The following NTRK3 variants were observed in gnomAD, a reference collection of about 807,000 sequenced individuals.
The protein encoded by NTRK3 is NT-3 growth factor receptor.
Under a neutral mutation model 91.7 loss-of-function variants are expected in NTRK3, and 24 were observed. The observed-to-expected ratio is 0.26, with a 90% CI of 0.19 to 0.37. The LOEUF (loss-of-function observed/expected upper bound fraction) is 0.37. Ranked by LOEUF, NTRK3 falls within the 10% of genes least tolerant of loss-of-function variation. The pLI, the probability that NTRK3 is intolerant of heterozygous loss-of-function variation, is 1.00. For missense variants in NTRK3, 880 were observed against 1,068.9 expected (o/e 0.82, Z 2.46); for synonymous variants, 483 against 404.0 (o/e 1.20, Z -2.34).
chr15:87,918,535 A>G (rs2067624765), intron 17 of NTRK3, among the ~76,000 whole-genome samples: 1 of 152,236 alleles, frequency 6.6e-6, no homozygotes, highest in African/African-American at 2.4e-5. Flanking sequence ...AATTTAATCC[A>G]GACTGCCAAC....
At chr15:88,152,961 A>G (rs745747726) in intron 5 of NTRK3, among the ~76,000 whole-genome samples, 2 of 152,238 alleles carry the variant, frequency 1.3e-5, no homozygotes, top group African/African-American at 4.8e-5. Flanking sequence ...TAAATGCCAC[A>G]GTCACTGACT....
intron 13 of NTRK3, among the ~76,000 whole-genome samples, chr15:88,033,371 C>A (rs1218621601): frequency 6.6e-6 from 1 of 150,458 alleles, no homozygotes; most frequent in Non-Finnish European, 1.5e-5. Context: ...AGGGCAGTGG[C>A]GCCATCTTGG....
chr15:87,932,007 T>G (rs2068840891), intron 16 of NTRK3, among the ~76,000 whole-genome samples: 1 of 152,210 alleles, frequency 6.6e-6, no homozygotes, highest in Non-Finnish European at 1.5e-5. Context: ...GGGCCTTGGG[T>G]TCCAAAGACC....
chr15:87,963,859 G>A (rs918137548), intron 14 of NTRK3, among the ~76,000 whole-genome samples: 4 of 152,102 alleles, frequency 2.6e-5, no homozygotes, highest in Middle Eastern at 3.4e-3. Flanking sequence ...GGGGTCATAC[G>A]GCTTTATGTT....
At chr15:88,002,168 G>GTTTTTTTTTTTTT (rs770668339) in intron 14 of NTRK3, among the ~76,000 whole-genome samples, 8 of 70,184 alleles carry the variant, frequency 1.1e-4, no homozygotes, top group African/African-American at 4.6e-4. Context: ...GATAGTGGTT[G>GTTTTTTTTTTTTT]TTTTTTTTTT....
intron 6 of NTRK3, among the ~76,000 whole-genome samples, chr15:88,140,578 A>T (rs1212407474): frequency 6.6e-6 from 1 of 152,226 alleles, no homozygotes; most frequent in African/African-American, 2.4e-5. Flanking sequence ...ATCAGTATCT[A>T]CCAATTAGAA....
intron 3 of NTRK3, among the ~76,000 whole-genome samples, chr15:88,207,393 A>G (rs149700747): frequency 3.0e-3 from 458 of 152,244 alleles, no homozygotes; most frequent in Non-Finnish European, 4.6e-3. Flanking sequence ...CCAGAGCCCA[A>G]ACACACCCTT....
intron 13 of NTRK3, among the ~76,000 whole-genome samples, chr15:88,103,955 A>T (rs781663712): frequency 6.6e-6 from 1 of 152,200 alleles, no homozygotes; most frequent in African/African-American, 2.4e-5. Context: ...ATTCTTCTGT[A>T]TAACTGGCCA....
chr15:88,006,003 C>A (rs2076460829), intron 14 of NTRK3, among the ~76,000 whole-genome samples: 1 of 152,138 alleles, frequency 6.6e-6, no homozygotes, highest in Non-Finnish European at 1.5e-5. Flanking sequence ...TATTTACAGC[C>A]CTTCCCAAAC....
chr15:88,204,599 C>T (rs1446295449), intron 3 of NTRK3, among the ~76,000 whole-genome samples: 1 of 152,152 alleles, frequency 6.6e-6, no homozygotes. Flanking sequence ...ATCTTTTCTC[C>T]CCTCAGAAAG....
exon 19 of NTRK3, chr15:87,869,314 T>C: frequency 4.3e-6 from 1 of 230,488 alleles, no homozygotes; most frequent in Non-Finnish European, 8.6e-6. Flanking sequence ...CACCACGGGT[T>C]CCAGATGGGA....
chr15:88,160,826 T>C (rs1378592558), intron 5 of NTRK3, among the ~76,000 whole-genome samples: 1 of 152,178 alleles, frequency 6.6e-6, no homozygotes, highest in African/African-American at 2.4e-5. Flanking sequence ...TGTGTGGGTT[T>C]GGAAAAGCAT....
Position 88,235,437 on chromosome 15 carries a change from C to T in NTRK3, c.248+20469G>A, listed in dbSNP as rs2051624245. Among the ~76,000 whole-genome samples, 1 of 152,198 alleles carries T rather than the reference C, an allele frequency of 6.6e-6. No individual in the cohort carries two copies. Reference sequence around the variant, plus strand: ...ACATCTGAGCACTCAGCAAGCAGGACTCGCAGCTAAACCATTGTGGGAGAG... The same window carrying T: ...ACATCTGAGCACTCAGCAAGCAGGATTCGCAGCTAAACCATTGTGGGAGAG... On this transcript the variant is annotated intron_variant, in intron 3 of 18. Transcript: ENST00000394480. This position sits in a 1 kb window ranked among gnomAD's most constrained non-coding sequence, Gnocchi z 5.2.
At chr15:88,093,325 G>A (rs1298600119) in intron 13 of NTRK3, among the ~76,000 whole-genome samples, 2 of 152,130 alleles carry the variant, frequency 1.3e-5, no homozygotes, top group Non-Finnish European at 2.9e-5. Flanking sequence ...AGGAAGAAAG[G>A]AAGGGATGAT....
chr15:88,136,789 A>G (rs529795809), intron 7 of NTRK3, among the ~76,000 whole-genome samples, 180 bp from the exon 8 acceptor site: 2 of 152,340 alleles, frequency 1.3e-5, no homozygotes, highest in East Asian at 3.9e-4. Context: ...CCCAGTAGAC[A>G]TCAGAACTCA....
At chr15:87,937,368 T>A (rs977878865) in intron 15 of NTRK3, among the ~76,000 whole-genome samples, 4 of 152,204 alleles carry the variant, frequency 2.6e-5, no homozygotes, top group African/African-American at 9.7e-5. Flanking sequence ...TTAAAAAACC[T>A]GCTAAAGGTC....
chr15:88,232,181 C>G (rs1470013586), intron 3 of NTRK3, among the ~76,000 whole-genome samples: 1 of 151,778 alleles, frequency 6.6e-6, no homozygotes. Context: ...TCCTGCCTCA[C>G]CTCCCTCTCT....
chr15:88,120,839 G>A lies in NTRK3; in HGVS notation c.1396+5432C>T, dbSNP rs543330932. Among the ~76,000 whole-genome samples, 98 of 152,244 alleles carry A rather than the reference G, an allele frequency of 6.4e-4. 3 individuals are homozygous for A. Among genetic ancestry groups the A allele is most frequent in the Middle Eastern group, 3.2e-3 (1 of 316 alleles). On this transcript the variant is annotated intron_variant, in intron 13 of 18. Transcript: ENST00000394480. ...TCAAGTATGTGGAAAAGCAGGGCCA[G>A]AAGGCTCTCGCTAGCTGTGTGCTCT... is the stretch of plus-strand genomic sequence containing the variant.
intron 13 of NTRK3, among the ~76,000 whole-genome samples, chr15:88,101,376 G>A (rs2050154740): frequency 1.3e-5 from 2 of 152,176 alleles, no homozygotes; most frequent in Admixed American, 6.5e-5. Context: ...AACAGGTGCT[G>A]GAAAGGATGT....
Sources: allele counts gnomAD v4.1 joint callset (sites outside exome capture counted in the v4.1 genomes callset), GRCh38; gene constraint gnomAD v4.1.1; non-coding constraint Gnocchi (gnomAD v3.1); transcripts MANE v1.5; gene names NCBI Gene and HGNC (gene_info 2026-07-23, HGNC 2026-07-21).